The following CREB5 variants were observed in gnomAD, a reference collection of about 807,000 sequenced individuals.
The protein encoded by CREB5 is cyclic AMP-responsive element-binding protein 5.
Under a neutral mutation model 57.1 loss-of-function variants are expected in CREB5, and 19 were observed. The ratio of observed to expected loss-of-function variants is 0.33; its 90% confidence interval spans 0.23 to 0.49. The LOEUF (loss-of-function observed/expected upper bound fraction) is 0.49. Ranked by LOEUF, CREB5 falls within the 20% of genes least tolerant of loss-of-function variation. The probability of loss-of-function intolerance (pLI) is 0.99; values close to 1 mark genes in which losing one functional copy is unlikely to be tolerated. For synonymous variants in CREB5, 238 were observed against 238.3 expected (o/e 1.00, Z 0.01); for missense variants, 579 against 671.6 (o/e 0.86, Z 1.52).
intron 4 of CREB5, among the ~76,000 whole-genome samples, chr7:28,538,358 A>G (rs1002790177): frequency 2.6e-5 from 4 of 151,912 alleles, no homozygotes; most frequent in Non-Finnish European, 5.9e-5. Flanking sequence ...CTGGCCTCTT[A>G]CTCCATTTCA....
At chr7:28,747,623 C>T (rs1804755645) in intron 7 of CREB5, among the ~76,000 whole-genome samples, 1 of 152,148 alleles carries the variant, frequency 6.6e-6, no homozygotes, top group African/African-American at 2.4e-5. Context: ...AATTTGAAGC[C>T]AGACAGCAGG....
In CREB5 at chr7:28,394,826, T is replaced by A. The variant is rs569067091; in HGVS notation, c.-25+95385T>A. Among the ~76,000 whole-genome samples the A allele has an allele frequency of 1.3e-4, 20 of 152,288 alleles. No homozygotes were observed. In the East Asian group the frequency reaches 3.7e-3, roughly 28 times the overall value. On this transcript the variant is annotated intron_variant, in intron 1 of 9. Transcript: ENST00000396299. Reference sequence around the variant, plus strand: ...GAAGAGAAGCCCATTTAGAAATTCATCCTCTAACCATTGCATTTTATTGAT... The same window carrying A: ...GAAGAGAAGCCCATTTAGAAATTCAACCTCTAACCATTGCATTTTATTGAT...
chr7:28,688,297 A>C (rs1204215497), intron 5 of CREB5, among the ~76,000 whole-genome samples: 1 of 152,172 alleles, frequency 6.6e-6, no homozygotes, highest in Non-Finnish European at 1.5e-5. Flanking sequence ...CAAGGGGGAG[A>C]ATTCACCTGC....
At position 28,822,319 on chromosome 7, in the gene CREB5, T is replaced by TAAGTC. The variant is rs1202582624; in HGVS notation, c.*3041_*3045dup. 1 of 152,450 alleles carries TAAGTC rather than the reference T, an allele frequency of 6.6e-6. No individual in the cohort carries two copies. Among genetic ancestry groups the TAAGTC allele is most frequent in the Non-Finnish European group, 1.5e-5 (1 of 68,040 alleles). 9.4% of individuals were successfully genotyped at this position (152,450 alleles called of 1,614,324 possible). On this transcript the variant is annotated 3_prime_UTR_variant, in exon 11 of 11. Transcript: ENST00000357727. ...AATCCAACACTTGGCTTATCAATAT[T>TAAGTC]AAGTCTTTTACCTAAAGGCCCAGCC...
At chr7:28,474,757 G>A (rs1790989116) in intron 1 of CREB5, among the ~76,000 whole-genome samples, 1 of 152,070 alleles carries the variant, frequency 6.6e-6, no homozygotes, top group Non-Finnish European at 1.5e-5. Context: ...GAACACTGAG[G>A]GCTTTGGAAA....
At chr7:28,477,033 G>A (rs1277242653) in intron 1 of CREB5, among the ~76,000 whole-genome samples, 3 of 152,320 alleles carry the variant, frequency 2.0e-5, no homozygotes, top group East Asian at 3.9e-4. Flanking sequence ...CTAGCATGGG[G>A]CCTCATGCAT....
Position 28,412,891 on chromosome 7 carries a change from G to A in CREB5, c.-24G>A, listed in dbSNP as rs774106392. On this transcript the variant is annotated 5_prime_UTR_variant, in exon 1 of 11. Transcript: ENST00000357727. ...ATTTGGTGACTGCAGGAAGCAACAC[G>A]TTGCTGCTTTTATTCTACAGATAAT... is the stretch of plus-strand genomic sequence containing the variant. The A allele has an allele frequency of 4.0e-6, 6 of 1,489,750 alleles. No homozygotes were observed. Among genetic ancestry groups the A allele is most frequent in the Middle Eastern group, 1.8e-4 (1 of 5,516 alleles). The allele number at this position is 1,489,750 out of a possible 1,614,324, so 92.3% of individuals were successfully genotyped here.
intron 1 of CREB5, among the ~76,000 whole-genome samples, chr7:28,426,842 T>C (rs1244942632): frequency 6.6e-6 from 1 of 152,256 alleles, no homozygotes; most frequent in African/African-American, 2.4e-5. Flanking sequence ...TAGTTTTGAC[T>C]TCTTTCATCG....
At chr7:28,583,782 G>A (rs1402104858) in intron 5 of CREB5, among the ~76,000 whole-genome samples, 1 of 152,036 alleles carries the variant, frequency 6.6e-6, no homozygotes, top group Non-Finnish European at 1.5e-5. Flanking sequence ...AGGTTCAAGC[G>A]ATTCTCCTGC....
intron 5 of CREB5, among the ~76,000 whole-genome samples, chr7:28,694,073 C>A (rs114048673): frequency 6.6e-6 from 1 of 152,026 alleles, no homozygotes; most frequent in Admixed American, 6.6e-5. Flanking sequence ...CTTTTTTCAC[C>A]GCTTTTTGTT....
chr7:28,643,662 C>T (rs1418996522), intron 5 of CREB5, among the ~76,000 whole-genome samples: 1 of 151,298 alleles, frequency 6.6e-6, no homozygotes, highest in African/African-American at 2.4e-5. Context: ...GGTTTTACCA[C>T]AATCACCATC....
chr7:28,586,975 C>G (rs1796327518), intron 5 of CREB5, among the ~76,000 whole-genome samples: 1 of 152,298 alleles, frequency 6.6e-6, no homozygotes, highest in African/African-American at 2.4e-5. Context: ...AATCCAGACC[C>G]AAGGTGGAAA....
chr7:28,672,209 A>ACACACG (rs1800087181), intron 5 of CREB5, among the ~76,000 whole-genome samples: 1 of 151,994 alleles, frequency 6.6e-6, no homozygotes, highest in African/African-American at 2.4e-5. Flanking sequence ...ACACACACAC[A>ACACACG]CACACAAACA....
chr7:28,501,466 C>G (rs1436276244), intron 3 of CREB5, among the ~76,000 whole-genome samples: 1 of 152,156 alleles, frequency 6.6e-6, no homozygotes, highest in Non-Finnish European at 1.5e-5. Flanking sequence ...TTGAATAATT[C>G]CCCTGAATCC....
chr7:28,773,913 G>A (rs1266870936), intron 7 of CREB5, among the ~76,000 whole-genome samples: 5 of 152,146 alleles, frequency 3.3e-5, no homozygotes, highest in African/African-American at 1.2e-4. Flanking sequence ...CCATGCCAAC[G>A]CTTTACAATG....
intron 1 of CREB5, among the ~76,000 whole-genome samples, chr7:28,371,166 G>T (rs986749302): frequency 6.6e-6 from 1 of 152,096 alleles, no homozygotes; most frequent in African/African-American, 2.4e-5. Flanking sequence ...AAAGAGACCG[G>T]GCAGCAGCAG....
At chr7:28,702,045 A>G (rs561300630) in intron 5 of CREB5, among the ~76,000 whole-genome samples, 10 of 152,164 alleles carry the variant, frequency 6.6e-5, no homozygotes, top group Non-Finnish European at 1.3e-4. Flanking sequence ...TTTCTCAGCC[A>G]TGCTAGACTT....
intron 7 of CREB5, among the ~76,000 whole-genome samples, chr7:28,741,113 C>T (rs972648251): frequency 6.6e-6 from 1 of 151,546 alleles, no homozygotes; most frequent in Non-Finnish European, 1.5e-5. Context: ...TACAATGCTT[C>T]CCCTGGAATT....
intron 1 of CREB5, among the ~76,000 whole-genome samples, chr7:28,415,791 A>G (rs1272417127): frequency 6.6e-6 from 1 of 152,210 alleles, no homozygotes; most frequent in Non-Finnish European, 1.5e-5. Context: ...GATCTGAAAT[A>G]TTATTTAAAG....
Sources: gnomAD v4.1 joint callset for allele counts (sites outside exome capture counted in the v4.1 genomes callset) on GRCh38, gnomAD v4.1.1 for gene constraint, MANE v1.5 for transcripts, NCBI Gene and HGNC (gene_info 2026-07-23, HGNC 2026-07-21) for gene names.